Variants in NELL1 observed in about 807,000 individuals in gnomAD.
The protein encoded by NELL1 is protein kinase C-binding protein NELL1.
In NELL1, 76 loss-of-function variants were observed where a neutral mutation model predicts 107.4. That is an observed-to-expected ratio of 0.71 (90% CI 0.59 to 0.86). The LOEUF is 0.86. Ranked by LOEUF, NELL1 falls within the 40% of genes least tolerant of loss-of-function variation. The probability of loss-of-function intolerance (pLI) is 0.00; values close to 1 mark genes in which losing one functional copy is unlikely to be tolerated. For missense variants in NELL1, 1,024 were observed against 1,005.5 expected, an observed-to-expected ratio of 1.02 and a Z score of -0.25; for synonymous variants, 353 against 341.2, an observed-to-expected ratio of 1.03 and a Z score of -0.38.
At chr11:20,736,359 G>A (rs1033190045) in intron 2 of NELL1, among the ~76,000 whole-genome samples, 3 of 152,282 alleles carry the variant, frequency 2.0e-5, no homozygotes, top group Admixed American at 1.3e-4. Context: ...GGAAGCCCCT[G>A]GCCGAGCAGA....
intron 14 of NELL1, among the ~76,000 whole-genome samples, chr11:21,335,604 A>C (rs1850371838): frequency 6.6e-6 from 1 of 152,212 alleles, no homozygotes; most frequent in African/African-American, 2.4e-5. Flanking sequence ...TTTCAGAAGC[A>C]GATGGATCCC....
intron 15 of NELL1, among the ~76,000 whole-genome samples, chr11:21,474,429 C>T (rs980295489): frequency 1.3e-5 from 2 of 152,010 alleles, no homozygotes; most frequent in African/African-American, 2.4e-5. Flanking sequence ...ATCTTGCTTG[C>T]TGCTGAATTC....
At chr11:21,446,168 C>T (rs1853422718) in intron 15 of NELL1, among the ~76,000 whole-genome samples, 3 of 151,990 alleles carry the variant, frequency 2.0e-5, no homozygotes, top group Admixed American at 1.3e-4. Flanking sequence ...CATTTTTCAA[C>T]TCCAGAATTT....
chr11:21,432,539 C>T (rs1271460814), intron 15 of NELL1, among the ~76,000 whole-genome samples: 1 of 152,036 alleles, frequency 6.6e-6, no homozygotes, highest in Non-Finnish European at 1.5e-5. Context: ...TTATTACTTC[C>T]TGCAAAAAGG....
intron 15 of NELL1, among the ~76,000 whole-genome samples, chr11:21,380,544 C>T (rs1246473075): frequency 1.3e-5 from 2 of 151,962 alleles, no homozygotes; most frequent in Non-Finnish European, 2.9e-5. Flanking sequence ...GTTCTACCCA[C>T]TCAATGTTTT....
At chr11:21,131,816 G>C (rs1185830257) in intron 13 of NELL1, among the ~76,000 whole-genome samples, 1 of 152,094 alleles carries the variant, frequency 6.6e-6, no homozygotes, top group African/African-American at 2.4e-5. Context: ...TGTTTGTTTT[G>C]CTGAATATTG....
At chr11:21,274,653 A>C (rs1848814595) in intron 14 of NELL1, among the ~76,000 whole-genome samples, 1 of 152,202 alleles carries the variant, frequency 6.6e-6, no homozygotes, top group Non-Finnish European at 1.5e-5. Context: ...TTGGAAGTAA[A>C]GCACTCCTCA....
At chr11:20,854,286 A>C (rs1376253371) in intron 4 of NELL1, among the ~76,000 whole-genome samples, 1 of 152,134 alleles carries the variant, frequency 6.6e-6, no homozygotes, top group East Asian at 1.9e-4. Flanking sequence ...TTAGCTTCCT[A>C]AGTATAAAAT....
intron 10 of NELL1, 97 bp downstream of exon 10, chr11:20,937,956 G>A: frequency 8.5e-7 from 1 of 1,171,386 alleles, no homozygotes. Context: ...TATTGGCCTG[G>A]ATAGGGCCCC....
intron 12 of NELL1, among the ~76,000 whole-genome samples, chr11:21,054,212 A>G (rs1329862650): frequency 1.3e-5 from 2 of 152,030 alleles, no homozygotes; most frequent in Non-Finnish European, 2.9e-5. Flanking sequence ...TCTGTAATAT[A>G]AATATTTTTC....
chr11:21,474,849 A>G (rs562332734), intron 15 of NELL1, among the ~76,000 whole-genome samples: 15 of 152,130 alleles, frequency 9.9e-5, no homozygotes, highest in Non-Finnish European at 1.9e-4. Flanking sequence ...AAAATATACT[A>G]ACTTTAACTG....
intron 2 of NELL1, among the ~76,000 whole-genome samples, chr11:20,686,133 A>G (rs1228268288): frequency 6.6e-6 from 1 of 152,132 alleles, no homozygotes; most frequent in Non-Finnish European, 1.5e-5. Flanking sequence ...ATTTCTCCTA[A>G]TATTTCACCA....
intron 4 of NELL1, among the ~76,000 whole-genome samples, chr11:20,858,465 G>A (rs187385409): frequency 6.6e-6 from 1 of 152,168 alleles, no homozygotes; most frequent in African/African-American, 2.4e-5. Flanking sequence ...CGATAGCTGA[G>A]CAATTTATCA....
At chr11:21,144,106 G>C (rs1303284532) in intron 13 of NELL1, among the ~76,000 whole-genome samples, 2 of 152,198 alleles carry the variant, frequency 1.3e-5, no homozygotes, top group Non-Finnish European at 2.9e-5. Context: ...AACGATGGTG[G>C]AGCATTAGTT....
intron 14 of NELL1, among the ~76,000 whole-genome samples, chr11:21,241,166 A>G (rs1160027944): frequency 6.6e-6 from 1 of 152,108 alleles, no homozygotes; most frequent in African/African-American, 2.4e-5. Context: ...AACAATTCTC[A>G]ATGGACCAGG....
In NELL1 at chr11:20,971,231, CA is replaced by C. The variant is rs763388353; in HGVS notation, c.1300+10672del. ...TTCACCTTAAAAAATCATGCTGAGA[CA>C]TTTTTTTGGCTCACTTAATAATATT... is the stretch of plus-strand genomic sequence containing the variant. On this transcript the variant is annotated intron_variant, in intron 12 of 19. Transcript: ENST00000357134. Among the ~76,000 whole-genome samples the C allele has an allele frequency of 4.6e-5, 7 of 152,180 alleles. No homozygotes were observed. In the East Asian group the frequency reaches 7.8e-4, roughly 17 times the overall value.
At chr11:21,093,414 A>G (rs1332867186) in intron 12 of NELL1, among the ~76,000 whole-genome samples, 1 of 152,120 alleles carries the variant, frequency 6.6e-6, no homozygotes, top group Non-Finnish European at 1.5e-5. Flanking sequence ...CCAACTCTCT[A>G]GCATTCAATT....
intron 15 of NELL1, among the ~76,000 whole-genome samples, chr11:21,454,753 C>T (rs1853679955): frequency 6.6e-6 from 1 of 152,220 alleles, no homozygotes; most frequent in Non-Finnish European, 1.5e-5. Flanking sequence ...TTCCTTCTTT[C>T]TGTGTCCTCA....
chr11:20,777,943 C>T (rs1856781099), intron 2 of NELL1, among the ~76,000 whole-genome samples: 1 of 152,148 alleles, frequency 6.6e-6, no homozygotes, highest in African/African-American at 2.4e-5. Context: ...TACCCCTTGG[C>T]CAATCAGGGG....
Sources: allele counts gnomAD v4.1 joint callset (sites outside exome capture counted in the v4.1 genomes callset), GRCh38; gene constraint gnomAD v4.1.1; transcripts MANE v1.5; gene names NCBI Gene and HGNC (gene_info 2026-07-23, HGNC 2026-07-21).